The following SRRM4 variants were observed in gnomAD, a reference collection of about 807,000 sequenced individuals.
SRRM4 encodes the protein serine/arginine repetitive matrix protein 4.
In SRRM4, 33 loss-of-function variants were observed where a neutral mutation model predicts 68.9. The observed-to-expected ratio is 0.48, with a 90% CI of 0.36 to 0.64. The LOEUF (loss-of-function observed/expected upper bound fraction) is 0.64. Ranked by LOEUF, SRRM4 falls within the 30% of genes least tolerant of loss-of-function variation. The probability of loss-of-function intolerance (pLI) is 0.00; values close to 1 mark genes in which losing one functional copy is unlikely to be tolerated. For synonymous variants in SRRM4, 318 were observed against 318.8 expected (o/e 1.00, Z 0.03); for missense variants, 817 against 827.1 (o/e 0.99, Z 0.15).
Position 119,154,172 on chromosome 12 carries a change from C to T in SRRM4, c.1392-71C>T, listed in dbSNP as rs1178711488. On this transcript the variant is annotated intron_variant, in intron 11 of 12. Transcript: ENST00000267260. The surrounding 1 kb of genome is among the most constrained non-coding windows in gnomAD (Gnocchi z 4.7). ...TGGGGTGGGAAAGAAAGGGAGTGTC[C>T]CTCTCCCACGCGCTCACGCAGAAAA... is the stretch of plus-strand genomic sequence containing the variant. The T allele has an allele frequency of 5.8e-6, 8 of 1,387,436 alleles. No homozygotes were observed. The highest frequency in any genetic ancestry group is 8.0e-6 in the Non-Finnish European group (8 of 1,003,570). The allele number at this position is 1,387,436 out of a possible 1,614,324, so 85.9% of individuals were successfully genotyped here. A position where few individuals can be genotyped will look rare whatever the true frequency, so the allele number is the denominator to read the frequency against.
Position 119,162,069 on chromosome 12 carries a change from G to C in SRRM4, c.*5271G>C, listed in dbSNP as rs1954517866. 6.6e-6 allele frequency: 1 copy of C among 152,158 alleles called. No homozygotes were observed. Among genetic ancestry groups the C allele is most frequent in the African/African-American group, 2.4e-5 (1 of 41,428 alleles). 9.4% of individuals were successfully genotyped at this position (152,158 alleles called of 1,614,324 possible). Reference sequence around the variant, plus strand: ...GCCTCAGTCTTGTCATCTGTAAAATGGGGCTTGTCCTATATATTATCTGCA... The same window carrying C: ...GCCTCAGTCTTGTCATCTGTAAAATCGGGCTTGTCCTATATATTATCTGCA... On this transcript the variant is annotated 3_prime_UTR_variant, in exon 13 of 13. Transcript: ENST00000267260.
intron 1 of SRRM4, among the ~76,000 whole-genome samples, chr12:119,059,736 C>T (rs1156779338): frequency 6.6e-6 from 1 of 152,190 alleles, no homozygotes; most frequent in Admixed American, 6.5e-5. Flanking sequence ...CTCCATATCT[C>T]ATGTCGCTGC....
chr12:119,112,043 C>T (rs1954147578), intron 2 of SRRM4, among the ~76,000 whole-genome samples: 1 of 149,402 alleles, frequency 6.7e-6, no homozygotes, highest in Non-Finnish European at 1.5e-5. Flanking sequence ...GAAACTGCGT[C>T]TCAAAAAAAA....
At chr12:118,987,436 C>T (rs748315734) in intron 1 of SRRM4, among the ~76,000 whole-genome samples, 5 of 152,178 alleles carry the variant, frequency 3.3e-5, no homozygotes, top group Non-Finnish European at 7.3e-5. Flanking sequence ...GCTCTGTATT[C>T]ACTTTTAAAT....
At chr12:119,081,648 C>T (rs762818458) in intron 1 of SRRM4, among the ~76,000 whole-genome samples, 11 of 152,194 alleles carry the variant, frequency 7.2e-5, no homozygotes, top group African/African-American at 1.7e-4. Context: ...TCCCGCCAGC[C>T]GCCTTCTGGG....
chr12:119,007,443 C>T lies in SRRM4; in HGVS notation c.131+25430C>T, dbSNP rs1294494274. Among the ~76,000 whole-genome samples the T allele has an allele frequency of 3.9e-5, 6 of 152,068 alleles. No individual in the cohort carries two copies. The East Asian group carries it at 9.6e-4, about 24-fold the overall frequency. On this transcript the variant is annotated intron_variant, in intron 1 of 12. Transcript: ENST00000267260. ...TCTCTCCCCCTCTCTTTCCCTTTAC[C>T]AATATGAGATAATGTTGGACATGTT...
chr12:119,122,299 G>GCAGGA (rs752030436), intron 6 of SRRM4, among the ~76,000 whole-genome samples, 179 bp downstream of exon 6: 1 of 94,444 alleles, frequency 1.1e-5, no homozygotes, highest in Non-Finnish European at 2.7e-5. Context: ...AGGCAGGAAG[G>GCAGGA]AAGGAAGGAA....
At chr12:118,983,427 C>A (rs1953262741) in intron 1 of SRRM4, among the ~76,000 whole-genome samples, 1 of 152,190 alleles carries the variant, frequency 6.6e-6, no homozygotes, top group Admixed American at 6.5e-5. Flanking sequence ...ACAATAATAC[C>A]AAATGCCATT....
intron 1 of SRRM4, among the ~76,000 whole-genome samples, chr12:119,072,622 C>A (rs1316164285): frequency 1.3e-5 from 1 of 78,286 alleles, no homozygotes; most frequent in Non-Finnish European, 3.2e-5. Flanking sequence ...GTTTTACCCG[C>A]AGATTGAACA....
chr12:119,086,078 C>A (rs1286183679), intron 1 of SRRM4, among the ~76,000 whole-genome samples: 1 of 152,108 alleles, frequency 6.6e-6, no homozygotes, highest in Non-Finnish European at 1.5e-5. Flanking sequence ...TTGTTAACAT[C>A]CTTTTTGTTC....
At chr12:119,039,562 G>A (rs1034562922) in intron 1 of SRRM4, among the ~76,000 whole-genome samples, 18 of 152,116 alleles carry the variant, frequency 1.2e-4, no homozygotes, top group African/African-American at 4.3e-4. Flanking sequence ...GATCCCTGCT[G>A]GTGTAGGACT....
At chr12:118,998,267 GCAAAAAAAAAAAA>G (rs1953361461) in intron 1 of SRRM4, among the ~76,000 whole-genome samples, 1 of 31,248 alleles carries the variant, frequency 3.2e-5, no homozygotes, top group African/African-American at 1.1e-4. Flanking sequence ...GAGCAATATG[GCAAAAAAAAAAAA>G]AAAAAAAAAA....
At chr12:119,012,510 T>C (rs1276408307) in intron 1 of SRRM4, among the ~76,000 whole-genome samples, 1 of 152,228 alleles carries the variant, frequency 6.6e-6, no homozygotes, top group Non-Finnish European at 1.5e-5. Flanking sequence ...AGGGCAAATT[T>C]ATAACAATTA....
intron 1 of SRRM4, among the ~76,000 whole-genome samples, chr12:119,060,521 G>A (rs1236183015): frequency 3.3e-5 from 5 of 151,084 alleles, no homozygotes; most frequent in Admixed American, 6.6e-5. Context: ...ATGCACTGAG[G>A]GCTTTCAGTA....
rs73405982 is a variant in SRRM4 at position 119,010,578 on chromosome 12, G to C, written c.131+28565G>C. 3.8e-3 allele frequency among the ~76,000 whole-genome samples: 579 copies of C among 152,298 alleles called. 3 individuals carry two copies. The highest frequency in any genetic ancestry group is 0.013 in the African/African-American group (546 of 41,554). ...TTTTGGCAAAGATATCTGGGAATAC[G>C]TACACTCATACATTGCTGTTAGGAG... On this transcript the variant is annotated intron_variant, in intron 1 of 12. Coordinates refer to ENST00000267260, the MANE Select transcript of SRRM4 (RefSeq NM_194286.4).
chr12:119,009,361 A>G (rs1392153711), intron 1 of SRRM4, among the ~76,000 whole-genome samples: 1 of 152,198 alleles, frequency 6.6e-6, no homozygotes, highest in Non-Finnish European at 1.5e-5. Flanking sequence ...AAGAGATGGT[A>G]GAGGTTCACC....
intron 4 of SRRM4, 147 bp downstream of exon 4, chr12:119,117,155 G>C (rs1954185936): frequency 1.4e-6 from 1 of 716,472 alleles, no homozygotes; most frequent in Admixed American, 2.4e-5. Flanking sequence ...TCTTGTGTAA[G>C]CTGGGACTGT....
chr12:119,125,518 G>A, intron 7 of SRRM4, 39 bp downstream of exon 7: 1 of 1,576,148 alleles, frequency 6.3e-7, no homozygotes, highest in East Asian at 2.3e-5. Flanking sequence ...GTCAGCCACA[G>A]CCGAGCCCAG....
Position 119,041,389 on chromosome 12 carries a change from C to T in SRRM4, c.131+59376C>T, listed in dbSNP as rs140893832. On this transcript the variant is annotated intron_variant, in intron 1 of 12. Transcript: ENST00000267260. ...GGATAATATGCCTTGATTAATCTTA[C>T]AGAGATATTCTGAAGATCCAGTGAA... Among the ~76,000 whole-genome samples, 4 of 152,310 alleles carry T rather than the reference C, an allele frequency of 2.6e-5. No individual in the cohort carries two copies. In the East Asian group the frequency reaches 7.7e-4, roughly 29 times the overall value.
Sources: allele counts gnomAD v4.1 joint callset (sites outside exome capture counted in the v4.1 genomes callset), GRCh38; gene constraint gnomAD v4.1.1; non-coding constraint Gnocchi (gnomAD v3.1); transcripts MANE v1.5; gene names NCBI Gene and HGNC (gene_info 2026-07-23, HGNC 2026-07-21).